The following CPQ variants were observed in gnomAD, a reference collection of about 807,000 sequenced individuals.
CPQ encodes the protein carboxypeptidase Q.
CPQ carries 37 observed loss-of-function variants against 45.7 expected under a neutral mutation model. The ratio of observed to expected loss-of-function variants is 0.81; its 90% confidence interval spans 0.62 to 1.07. The LOEUF (loss-of-function observed/expected upper bound fraction) is 1.07, where lower values mean the gene tolerates loss of function less well. Ranked by LOEUF, CPQ falls within the 50% of genes least tolerant of loss-of-function variation. CPQ has a pLI of 0.00. For synonymous variants in CPQ, 186 were observed against 205.8 expected (o/e 0.90, Z 0.82); for missense variants, 537 against 572.9 (o/e 0.94, Z 0.64).
chr8:96,972,910 C>T (rs1261962560), intron 5 of CPQ, among the ~76,000 whole-genome samples: 1 of 152,170 alleles, frequency 6.6e-6, no homozygotes, highest in African/African-American at 2.4e-5. Context: ...GACCTTCCCT[C>T]TGACCTAGTC....
At chr8:97,122,981 T>A (rs367906316) in intron 7 of CPQ, among the ~76,000 whole-genome samples, 2,355 of 23,614 alleles carry the variant, frequency 0.1, 321 homozygotes, top group East Asian at 0.42. Flanking sequence ...TAAAATAAAA[T>A]TAAAATAAAA....
chr8:96,848,451 T>C (rs1811728515), intron 3 of CPQ, among the ~76,000 whole-genome samples: 1 of 152,222 alleles, frequency 6.6e-6, no homozygotes, highest in African/African-American at 2.4e-5. Context: ...TTGTTTTGAT[T>C]AAATAACTAC....
chr8:97,130,646 G>C (rs966891311), intron 7 of CPQ, among the ~76,000 whole-genome samples: 4 of 152,148 alleles, frequency 2.6e-5, no homozygotes, highest in African/African-American at 9.7e-5. Context: ...CTCTCAGCTT[G>C]TAGATTTCCT....
chr8:96,693,756 T>C (rs578067887), intron 1 of CPQ, among the ~76,000 whole-genome samples: 1 of 152,182 alleles, frequency 6.6e-6, no homozygotes, highest in East Asian at 1.9e-4. Context: ...TAATGAGGAA[T>C]AAGAAATCAT....
chr8:96,898,148 G>C (rs191404603), intron 4 of CPQ, among the ~76,000 whole-genome samples: 1 of 152,068 alleles, frequency 6.6e-6, no homozygotes, highest in African/African-American at 2.4e-5. Flanking sequence ...CTAAGAACTG[G>C]AATCTTGAGG....
chr8:96,744,665 A>G (rs1429611630), intron 1 of CPQ, among the ~76,000 whole-genome samples: 1 of 152,100 alleles, frequency 6.6e-6, no homozygotes, highest in Non-Finnish European at 1.5e-5. Flanking sequence ...TTTTCTATAA[A>G]TTTGACATTA....
intron 7 of CPQ, among the ~76,000 whole-genome samples, chr8:97,105,409 G>A (rs1811387463): frequency 6.6e-6 from 1 of 152,138 alleles, no homozygotes; most frequent in Non-Finnish European, 1.5e-5. Context: ...CTCTTTTTAA[G>A]GCTAAATAAT....
intron 7 of CPQ, among the ~76,000 whole-genome samples, chr8:97,093,122 C>T (rs762751287): frequency 2.0e-5 from 3 of 152,032 alleles, no homozygotes; most frequent in Non-Finnish European, 4.4e-5. Flanking sequence ...AATGAGATAC[C>T]GTCTCACACC....
chr8:96,955,022 A>C (rs1813333529), intron 4 of CPQ, among the ~76,000 whole-genome samples: 2 of 152,136 alleles, frequency 1.3e-5, no homozygotes, highest in African/African-American at 4.8e-5. Context: ...GTTGGTTCCA[A>C]GTCTTTGATA....
At chr8:96,928,457 G>GGA (rs1450721500) in intron 4 of CPQ, among the ~76,000 whole-genome samples, 1 of 151,180 alleles carries the variant, frequency 6.6e-6, no homozygotes, top group African/African-American at 2.4e-5. Flanking sequence ...AGACAGACAG[G>GGA]GAGAGAGAGA....
At chr8:97,107,400 G>A (rs1811421284) in intron 7 of CPQ, among the ~76,000 whole-genome samples, 1 of 152,224 alleles carries the variant, frequency 6.6e-6, no homozygotes, top group Non-Finnish European at 1.5e-5. Context: ...TACTCTGAAG[G>A]GTGTGCTTGT....
chr8:96,873,564 A>T (rs905453305), intron 3 of CPQ, among the ~76,000 whole-genome samples: 2 of 151,758 alleles, frequency 1.3e-5, no homozygotes, highest in African/African-American at 2.4e-5. Context: ...TTGATTTTTA[A>T]ATCAAATAAG....
At chr8:97,122,932 A>AAAAT (rs1563586775) in intron 7 of CPQ, among the ~76,000 whole-genome samples, 96 of 37,702 alleles carry the variant, frequency 2.5e-3, no homozygotes, top group African/African-American at 0.01. Context: ...TAAAATAAAT[A>AAAAT]AAATAAAATA....
chr8:97,047,578 A>T (rs575534302), intron 6 of CPQ, among the ~76,000 whole-genome samples: 3 of 152,354 alleles, frequency 2.0e-5, no homozygotes, highest in South Asian at 4.1e-4. Flanking sequence ...CTTTCTTGGT[A>T]TAAAAATAAA....
chr8:96,682,317 C>T (rs1809162784), intron 1 of CPQ, among the ~76,000 whole-genome samples: 1 of 152,144 alleles, frequency 6.6e-6, no homozygotes, highest in African/African-American at 2.4e-5. Context: ...CACTTACTCA[C>T]TCGTGATAGT....
chr8:96,696,171 C>G (rs1382871875), intron 1 of CPQ, among the ~76,000 whole-genome samples: 2 of 151,578 alleles, frequency 1.3e-5, no homozygotes, highest in Admixed American at 1.3e-4. Context: ...AATCATCATT[C>G]TCAGTAAACT....
intron 4 of CPQ, among the ~76,000 whole-genome samples, chr8:96,893,805 A>C (rs1812407043): frequency 6.6e-6 from 1 of 152,208 alleles, no homozygotes; most frequent in African/African-American, 2.4e-5. Context: ...AATAATAATA[A>C]TTACAATATA....
In CPQ at chr8:96,908,777, A is replaced by ACACACACACC. The variant is rs147900019; in HGVS notation, c.849+28773_849+28774insACACACACCC. Among the ~76,000 whole-genome samples, 328 of 150,278 alleles carry ACACACACACC rather than the reference A, an allele frequency of 2.2e-3. 2 individuals carry two copies. Among genetic ancestry groups the ACACACACACC allele is most frequent in the Non-Finnish European group, 3.3e-3 (226 of 67,632 alleles). On this transcript the variant is annotated intron_variant, in intron 4 of 7. Coordinates refer to ENST00000220763, the MANE Select transcript of CPQ (RefSeq NM_016134.4). ...CACACACACACACACACACACACAC[A>ACACACACACC]CCATATATTCTGGGGAAGAGGTGTT...
In CPQ at chr8:97,099,299, T is replaced by G. The variant is rs145672385; in HGVS notation, c.1255+33089T>G. The stretch of plus-strand genomic sequence containing the variant: ...GCTCACACCACCAAACCTGGCTAAT[T>G]TTTGTATTTTTAGTAGAAACAGGGT... On this transcript the variant is annotated intron_variant, in intron 7 of 7. Coordinates refer to ENST00000220763, the MANE Select transcript of CPQ (RefSeq NM_016134.4). Among the ~76,000 whole-genome samples, 852 of 151,660 alleles carry G rather than the reference T, an allele frequency of 5.6e-3. 13 individuals are homozygous for G. The highest frequency in any genetic ancestry group is 0.018 in the African/African-American group (749 of 41,354).
Sources: allele counts gnomAD v4.1 joint callset (sites outside exome capture counted in the v4.1 genomes callset), GRCh38; gene constraint gnomAD v4.1.1; transcripts MANE v1.5; gene names NCBI Gene and HGNC (gene_info 2026-07-23, HGNC 2026-07-21).